The following EIF3L variants were observed in gnomAD, a reference collection of about 807,000 sequenced individuals.
The protein encoded by EIF3L is eIEF associated protein HSPC021.
Under a neutral mutation model 74.6 loss-of-function variants are expected in EIF3L, and 32 were observed. The observed-to-expected ratio is 0.43, with a 90% CI of 0.32 to 0.58. The LOEUF (loss-of-function observed/expected upper bound fraction) is 0.58, where lower values mean the gene tolerates loss of function less well. Among genes scored for constraint, EIF3L ranks in the 20% least tolerant of loss-of-function variants. EIF3L has a pLI of 0.06. For missense variants in EIF3L, 474 were observed against 707.8 expected (o/e 0.67, Z 3.75); for synonymous variants, 256 against 254.4 (o/e 1.01, Z -0.06).
intron 8 of EIF3L, among the ~76,000 whole-genome samples, chr22:37,871,534 A>G (rs1926469186): frequency 6.6e-6 from 1 of 152,196 alleles, no homozygotes; most frequent in Non-Finnish European, 1.5e-5. Context: ...TATATGAAAA[A>G]TAAATGAATT....
chr22:37,853,708 C>G (rs1479398786), intron 3 of EIF3L, among the ~76,000 whole-genome samples: 1 of 152,134 alleles, frequency 6.6e-6, no homozygotes, highest in Non-Finnish European at 1.5e-5. Flanking sequence ...AATATTATTT[C>G]TATATGTAAT....
intron 7 of EIF3L, among the ~76,000 whole-genome samples, chr22:37,868,369 C>G (rs1601768845): frequency 6.6e-6 from 1 of 151,472 alleles, no homozygotes; most frequent in Non-Finnish European, 1.5e-5. Context: ...AAGGGATCCA[C>G]CCATCTCGGC....
At chr22:37,868,300 T>G (rs2145821774) in intron 7 of EIF3L, among the ~76,000 whole-genome samples, 1 of 150,538 alleles carries the variant, frequency 6.6e-6, no homozygotes, top group Non-Finnish European at 1.5e-5. Flanking sequence ...TTTTTTTGCA[T>G]TTTTAGTAGA....
In EIF3L at chr22:37,874,497, G is replaced by T; in HGVS notation, c.879G>T (p.Val293=). ...LLGDYYQAIK[V]LENIELNKKS... is the part of the protein sequence containing the mutation. Reference sequence around the variant, plus strand: ...GAGATTACTACCAGGCCATCAAGGTGCTGGAGAACATCGAACTGAACAAGA... The same window carrying T: ...GAGATTACTACCAGGCCATCAAGGTTCTGGAGAACATCGAACTGAACAAGA... The change falls in exon 9 of 13, where the codon GTG becomes GTT. Residue 293 remains valine (V), a synonymous_variant. Coordinates refer to ENST00000652021, the MANE Select transcript of EIF3L (RefSeq NM_016091.4). The T allele has an allele frequency of 6.2e-7, 1 of 1,614,152 alleles. No individual in the cohort carries two copies. Among genetic ancestry groups the T allele is most frequent in the Non-Finnish European group, 8.5e-7 (1 of 1,180,010 alleles).
intron 3 of EIF3L, among the ~76,000 whole-genome samples, chr22:37,853,876 G>A (rs915808112): frequency 6.6e-6 from 1 of 152,152 alleles, no homozygotes; most frequent in Non-Finnish European, 1.5e-5. Flanking sequence ...TCTTCAAATA[G>A]TAGAGTAATT....
chr22:37,872,281 C>T (rs1331110636), intron 8 of EIF3L, among the ~76,000 whole-genome samples: 1 of 152,084 alleles, frequency 6.6e-6, no homozygotes, highest in African/African-American at 2.4e-5. Flanking sequence ...CACGCCACCA[C>T]GCCGGGCTGA....
Position 37,877,777 on chromosome 22 carries a change from A to T in EIF3L, c.1181A>T (p.Tyr394Phe). Residue 394 changes from tyrosine to phenylalanine, a missense_variant, in exon 11 of 13, where the codon TAT becomes TTT. Physicochemically the swap from Tyr to Phe is conservative, Grantham distance 22 (BLOSUM62 3). This residue lies in a region of EIF3L where 293 missense variants were observed against 469.1 expected (regional missense o/e 0.62). Transcript: ENST00000652021. ...ATTCACCTCCAGCTGCGGGAGAAAT[A>T]TGGGGACAAGATGTTGCGCATGCAG... ...ESIHLQLREK[Y>F]GDKMLRMQKG... 6.2e-7 allele frequency: 1 copy of T among 1,613,902 alleles called. No homozygotes were observed. The highest frequency in any genetic ancestry group is 8.5e-7 in the Non-Finnish European group (1 of 1,179,864).
chr22:37,850,390 G>A, intron 2 of EIF3L: 1 of 275,404 alleles, frequency 3.6e-6, no homozygotes, highest in Non-Finnish European at 7.2e-6. Context: ...CTGGAGTGCA[G>A]TGGTGCGATC....
At chr22:37,860,619 C>T (rs188154274) in intron 5 of EIF3L, among the ~76,000 whole-genome samples, 20 of 152,314 alleles carry the variant, frequency 1.3e-4, no homozygotes, top group Admixed American at 3.3e-4. Context: ...GTAATCCGCC[C>T]GCCTCGGCTT....
chr22:37,859,644 A>C (rs1925746915), intron 5 of EIF3L, among the ~76,000 whole-genome samples: 1 of 151,318 alleles, frequency 6.6e-6, no homozygotes, highest in Non-Finnish European at 1.5e-5. Context: ...GGCCTCCCAA[A>C]GTGCTGGGAT....
intron 11 of EIF3L, chr22:37,880,286 G>C (rs995739277): frequency 6.6e-6 from 1 of 150,770 alleles, no homozygotes; most frequent in African/African-American, 2.4e-5. Flanking sequence ...CTAATTTTTT[G>C]TATTTTTTAG....
intron 2 of EIF3L, 36 bp downstream of exon 2, chr22:37,850,099 G>T: frequency 6.2e-7 from 1 of 1,611,086 alleles, no homozygotes; most frequent in South Asian, 1.1e-5. Flanking sequence ...AGTACTCGTA[G>T]GGATCAGTTC....
chr22:37,855,324 G>A (rs528822926), intron 3 of EIF3L, among the ~76,000 whole-genome samples: 2 of 152,284 alleles, frequency 1.3e-5, no homozygotes, highest in Admixed American at 1.3e-4. Context: ...TACAGAGGCA[G>A]GAGATTATCC....
intron 7 of EIF3L, among the ~76,000 whole-genome samples, chr22:37,866,194 A>G (rs1926141647): frequency 6.6e-6 from 1 of 152,218 alleles, no homozygotes; most frequent in Admixed American, 6.5e-5. Flanking sequence ...ATCACTTCAA[A>G]AATGGTTACG....
At chr22:37,859,395 T>TTTTTTTTTGA (rs61227504) in intron 5 of EIF3L, among the ~76,000 whole-genome samples, 1 of 122,908 alleles carries the variant, frequency 8.1e-6, no homozygotes, top group African/African-American at 3.0e-5. Flanking sequence ...TTTTTTTTTT[T>TTTTTTTTTGA]GAGAGAGAGT....
chr22:37,870,696 T>A lies in EIF3L; in HGVS notation c.751+349T>A, dbSNP rs894940868. ...TGAGAACCACAAAATGTATCTATTTTAAAAAATTTTTTTCTTTTTTTTTCA... is the reference window on the plus strand; with the variant it reads ...TGAGAACCACAAAATGTATCTATTTAAAAAAATTTTTTTCTTTTTTTTTCA... On this transcript the variant is annotated intron_variant, in intron 8 of 12. Coordinates refer to ENST00000652021, the MANE Select transcript of EIF3L (RefSeq NM_016091.4). 8.5e-5 allele frequency among the ~76,000 whole-genome samples: 13 copies of A among 152,210 alleles called. No individual in the cohort carries two copies. The South Asian group carries it at 1.7e-3, about 19-fold the overall frequency.
intron 3 of EIF3L, among the ~76,000 whole-genome samples, chr22:37,852,503 G>A (rs146665794): frequency 1.6e-4 from 25 of 152,352 alleles, no homozygotes; most frequent in African/African-American, 5.5e-4. Flanking sequence ...TCAAAGCTGG[G>A]ATAGTCAGGA....
chr22:37,858,580 T>C lies in EIF3L; in HGVS notation c.374-99T>C, dbSNP rs576565160. 40 of 1,038,922 alleles carry C rather than the reference T, an allele frequency of 3.9e-5. No individual in the cohort carries two copies. The South Asian group carries it at 5.6e-4, about 15-fold the overall frequency. 64.4% of individuals were successfully genotyped at this position (1,038,922 alleles called of 1,614,324 possible). Reference sequence around the variant, plus strand: ...GCATAGCAATTTAGATGTTGTTTAGTCTTCAGAATTACCTTTATTCCTCCC... The same window carrying C: ...GCATAGCAATTTAGATGTTGTTTAGCCTTCAGAATTACCTTTATTCCTCCC... On this transcript the variant is annotated intron_variant, in intron 4 of 12. Coordinates refer to ENST00000652021, the MANE Select transcript of EIF3L (RefSeq NM_016091.4).
At position 37,858,663 on chromosome 22, in the gene EIF3L, C is replaced by T. The variant is rs1364838161; in HGVS notation, c.374-16C>T. ...GTTTTATGGTTAGTGAAGCACCCTT[C>T]TGCCATCTCTTTCAGATGCTGTCTT... On this transcript the variant is annotated splice_polypyrimidine_tract_variant and intron_variant, in intron 4 of 12. Coordinates refer to ENST00000652021, the MANE Select transcript of EIF3L (RefSeq NM_016091.4). 1.2e-5 allele frequency: 20 copies of T among 1,609,490 alleles called. No homozygotes were observed. The highest frequency in any genetic ancestry group is 1.4e-5 in the Non-Finnish European group (17 of 1,178,534).
Sources: gnomAD v4.1 joint callset for allele counts (sites outside exome capture counted in the v4.1 genomes callset) on GRCh38, gnomAD v4.1.1 for gene constraint, gnomAD v4.1.1 regional missense constraint, MANE v1.5 for transcripts, NCBI Gene and HGNC (gene_info 2026-07-23, HGNC 2026-07-21) for gene names.